Variants in KCNS3 observed in about 807,000 individuals in gnomAD.
The protein encoded by KCNS3 is delayed-rectifier potassium channel regulatory subunit KCNS3.
KCNS3 carries 13 observed loss-of-function variants against 31.0 expected under a neutral mutation model. That is an observed-to-expected ratio of 0.42 (90% CI 0.27 to 0.67). The LOEUF is 0.67. Among genes scored for constraint, KCNS3 ranks in the 30% least tolerant of loss-of-function variants. The pLI, the probability that KCNS3 is intolerant of heterozygous loss-of-function variation, is 0.25. For missense variants in KCNS3, 545 were observed against 622.4 expected, an observed-to-expected ratio of 0.88 and a Z score of 1.32; for synonymous variants, 238 against 241.5, an observed-to-expected ratio of 0.99 and a Z score of 0.13.
intron 1 of KCNS3, among the ~76,000 whole-genome samples, chr2:17,903,367 A>G (rs1662231875): frequency 6.6e-6 from 1 of 152,216 alleles, no homozygotes; most frequent in Admixed American, 6.5e-5. Context: ...GTATATGTCT[A>G]AGTATATTTT....
At chr2:17,900,009 A>G (rs1259380992) in intron 1 of KCNS3, among the ~76,000 whole-genome samples, 1 of 152,132 alleles carries the variant, frequency 6.6e-6, no homozygotes, top group African/African-American at 2.4e-5. Context: ...GTGCCTCCCC[A>G]GTATGGGGCT....
chr2:17,907,240 T>C (rs1253318902), intron 1 of KCNS3, among the ~76,000 whole-genome samples: 1 of 152,248 alleles, frequency 6.6e-6, no homozygotes, highest in Admixed American at 6.5e-5. Context: ...TTTTGATCTT[T>C]GTTGGTTTAA....
chr2:17,892,941 G>A (rs934982674), intron 1 of KCNS3, among the ~76,000 whole-genome samples: 1 of 152,224 alleles, frequency 6.6e-6, no homozygotes, highest in Admixed American at 6.5e-5. Context: ...TTTCAGCTGT[G>A]CTAGTATGGG....
intron 1 of KCNS3, among the ~76,000 whole-genome samples, chr2:17,880,607 A>G (rs1674622172): frequency 6.6e-6 from 1 of 152,208 alleles, no homozygotes; most frequent in Non-Finnish European, 1.5e-5. Flanking sequence ...CTGACCCATA[A>G]TTGCCTGAAT....
intron 1 of KCNS3, among the ~76,000 whole-genome samples, chr2:17,899,191 A>G (rs1050678449): frequency 3.3e-5 from 5 of 152,182 alleles, no homozygotes; most frequent in Admixed American, 3.3e-4. Context: ...CCACCACTGC[A>G]CTCCAGCCTG....
At chr2:17,910,379 A>T (rs1254445332) in intron 1 of KCNS3, among the ~76,000 whole-genome samples, 1 of 152,202 alleles carries the variant, frequency 6.6e-6, no homozygotes, top group East Asian at 1.9e-4. Context: ...CTAAAATTTT[A>T]GTTAGAGATT....
chr2:17,893,957 T>G (rs896547664), intron 1 of KCNS3, among the ~76,000 whole-genome samples: 1 of 149,286 alleles, frequency 6.7e-6, no homozygotes, highest in Non-Finnish European at 1.5e-5. Flanking sequence ...TTTTTTTTTT[T>G]TTTTTTTTTA....
At chr2:17,915,479 C>T (rs1662569063) in intron 1 of KCNS3, among the ~76,000 whole-genome samples, 1 of 152,090 alleles carries the variant, frequency 6.6e-6, no homozygotes, top group South Asian at 2.1e-4. Context: ...CTTGACCTTC[C>T]CCAACAACTA....
chr2:17,898,066 C>G (rs1662073870), intron 1 of KCNS3, among the ~76,000 whole-genome samples: 1 of 152,122 alleles, frequency 6.6e-6, no homozygotes, highest in South Asian at 2.1e-4. Flanking sequence ...AGTCCTTTCC[C>G]TATGGCTTAT....
At chr2:17,923,759 A>C (rs1039190208) in intron 2 of KCNS3, among the ~76,000 whole-genome samples, 3 of 151,806 alleles carry the variant, frequency 2.0e-5, no homozygotes, top group Non-Finnish European at 4.4e-5. Context: ...TTGTCTTGAC[A>C]CACTTGTCAA....
intron 1 of KCNS3, among the ~76,000 whole-genome samples, chr2:17,915,962 G>A (rs1030700324): frequency 6.6e-6 from 1 of 152,094 alleles, no homozygotes; most frequent in African/African-American, 2.4e-5. Context: ...TAGACTAAAG[G>A]CCCATTACAT....
intron 2 of KCNS3, among the ~76,000 whole-genome samples, chr2:17,922,783 A>C (rs193276795): frequency 8.0e-4 from 122 of 152,070 alleles, no homozygotes; most frequent in Middle Eastern, 3.4e-3. Flanking sequence ...TTTTTTAAGT[A>C]GACCTTTTTC....
At chr2:17,925,347 T>C (rs1662811227) in intron 2 of KCNS3, among the ~76,000 whole-genome samples, 1 of 152,244 alleles carries the variant, frequency 6.6e-6, no homozygotes, top group African/African-American at 2.4e-5. Context: ...CTGAAGTTGC[T>C]ATCTGGAGGC....
At chr2:17,929,526 A>C (rs952318669) in intron 2 of KCNS3, among the ~76,000 whole-genome samples, 41 of 152,310 alleles carry the variant, frequency 2.7e-4, no homozygotes, top group Middle Eastern at 6.8e-3. Context: ...ACCTCCCACC[A>C]GGCTCCACCT....
chr2:17,916,467 C>CT (rs1268152228), intron 1 of KCNS3, among the ~76,000 whole-genome samples: 6 of 152,160 alleles, frequency 3.9e-5, no homozygotes, highest in Non-Finnish European at 8.8e-5. Flanking sequence ...ACCTCCTCTG[C>CT]TAAGTGTTCC....
At chr2:17,905,824 G>A (rs192394610) in intron 1 of KCNS3, among the ~76,000 whole-genome samples, 2,957 of 152,306 alleles carry the variant, frequency 0.019, 40 homozygotes, top group Non-Finnish European at 0.03. Context: ...CTTGATCATG[G>A]TGGGTAAGCT....
At chr2:17,878,353 C>T (rs558139147), upstream of KCNS3, among the ~76,000 whole-genome samples, 1 of 151,896 alleles carries the variant, frequency 6.6e-6, no homozygotes, top group South Asian at 2.1e-4. Context: ...GCGCGGGGCG[C>T]GCTCCTGGTC....
At chr2:17,911,204 C>T (rs13396005) in intron 1 of KCNS3, among the ~76,000 whole-genome samples, 32,598 of 152,086 alleles carry the variant, frequency 0.21, 4,003 homozygotes, top group East Asian at 0.46. Context: ...CTTGTATTGC[C>T]GTTATTTATT....
chr2:17,925,230 T>G (rs1046630323), intron 2 of KCNS3, among the ~76,000 whole-genome samples: 2 of 152,186 alleles, frequency 1.3e-5, no homozygotes, highest in African/African-American at 4.8e-5. Context: ...ACCCTCCTCT[T>G]TTTTGGAATT....
Sources: allele counts gnomAD v4.1 joint callset (sites outside exome capture counted in the v4.1 genomes callset), GRCh38; gene constraint gnomAD v4.1.1; transcripts MANE v1.5; gene names NCBI Gene and HGNC (gene_info 2026-07-23, HGNC 2026-07-21).